Variants in TMEFF2 observed in about 807,000 individuals in gnomAD.
The protein encoded by TMEFF2 is tomoregulin-2.
Under a neutral mutation model 53.8 loss-of-function variants are expected in TMEFF2, and 28 were observed. The ratio of observed to expected loss-of-function variants is 0.52; its 90% CI spans 0.39 to 0.71. TMEFF2 has a LOEUF of 0.71. Ranked by LOEUF, TMEFF2 falls within the 30% of genes least tolerant of loss-of-function variation. The pLI, the probability that TMEFF2 is intolerant of heterozygous loss-of-function variation, is 0.00. For missense variants in TMEFF2, 353 were observed against 455.2 expected, an observed-to-expected ratio of 0.78 and a Z score of 2.04; for synonymous variants, 162 against 166.3, an observed-to-expected ratio of 0.97 and a Z score of 0.20.
chr2:192,087,018 GAT>G (rs1445597813), intron 4 of TMEFF2, among the ~76,000 whole-genome samples: 1 of 150,122 alleles, frequency 6.7e-6, no homozygotes, highest in Non-Finnish European at 1.5e-5. Flanking sequence ...GCCATAAAAA[GAT>G]ATTTGTATTT....
chr2:192,114,191 T>C (rs908687946), intron 4 of TMEFF2, among the ~76,000 whole-genome samples: 10 of 151,748 alleles, frequency 6.6e-5, no homozygotes, highest in Non-Finnish European at 1.3e-4. Flanking sequence ...ACTCAGATTG[T>C]AGAGAACAGG....
At chr2:192,114,648 G>A (rs928528408) in intron 4 of TMEFF2, among the ~76,000 whole-genome samples, 3 of 151,732 alleles carry the variant, frequency 2.0e-5, no homozygotes, top group Non-Finnish European at 4.4e-5. Context: ...ACACTCTAAT[G>A]ATGAATAAGT....
chr2:192,010,744 T>G (rs1277399808), intron 5 of TMEFF2, among the ~76,000 whole-genome samples: 5 of 152,184 alleles, frequency 3.3e-5, no homozygotes, highest in African/African-American at 9.7e-5. Flanking sequence ...TTGGGCTTGT[T>G]AGCATGAAAA....
At chr2:192,041,988 G>A (rs1687495272) in intron 5 of TMEFF2, among the ~76,000 whole-genome samples, 1 of 152,086 alleles carries the variant, frequency 6.6e-6, no homozygotes, top group Non-Finnish European at 1.5e-5. Context: ...ATCACCTGAG[G>A]TCAGGACTTC....
chr2:192,161,449 G>A (rs1484220679), intron 4 of TMEFF2, among the ~76,000 whole-genome samples: 2 of 152,112 alleles, frequency 1.3e-5, no homozygotes, highest in South Asian at 2.1e-4. Flanking sequence ...CACCTCACCG[G>A]CCTGAAACAG....
chr2:192,000,326 C>G (rs575155274), intron 5 of TMEFF2, among the ~76,000 whole-genome samples: 1 of 152,104 alleles, frequency 6.6e-6, no homozygotes, highest in Non-Finnish European at 1.5e-5. Flanking sequence ...ACATGCTAGA[C>G]TCTCAACATG....
At chr2:192,193,649 G>A (rs1477220013) in intron 1 of TMEFF2, among the ~76,000 whole-genome samples, 1 of 151,962 alleles carries the variant, frequency 6.6e-6, no homozygotes, top group Non-Finnish European at 1.5e-5. Flanking sequence ...CAACTCCCCT[G>A]TACTACCTTG....
At chr2:191,988,412 T>C (rs897661918) in intron 7 of TMEFF2, among the ~76,000 whole-genome samples, 3 of 152,186 alleles carry the variant, frequency 2.0e-5, no homozygotes, top group African/African-American at 7.2e-5. Flanking sequence ...CCTGGTGCTC[T>C]TTAAATAATA....
chr2:192,189,594 GC>G, intron 2 of TMEFF2, among the ~76,000 whole-genome samples: 1 of 145,446 alleles, frequency 6.9e-6, no homozygotes, highest in East Asian at 2.0e-4. Flanking sequence ...ACCTGAAAAG[GC>G]AGCAGAGAAA....
At chr2:192,093,433 T>C (rs1688836471) in intron 4 of TMEFF2, among the ~76,000 whole-genome samples, 1 of 152,158 alleles carries the variant, frequency 6.6e-6, no homozygotes, top group South Asian at 2.1e-4. Context: ...CCAGACTCTT[T>C]CTTGTTTCAA....
rs1425445599 is a variant in TMEFF2, at chr2:192,132,119, G to A, written c.439+47549C>T. Among the ~76,000 whole-genome samples, 6 of 151,802 alleles carry A rather than the reference G, an allele frequency of 4.0e-5. No individual in the cohort carries two copies. In the East Asian group the frequency reaches 5.8e-4, roughly 15 times the overall value. On this transcript the variant is annotated intron_variant, in intron 4 of 9. Coordinates refer to ENST00000272771, the MANE Select transcript of TMEFF2 (RefSeq NM_016192.4). ...ACCTCTCCCCTCCTCGCCAGGCCAA[G>A]CTAGGCCCCAATTCTTCCTCAGCCT...
intron 4 of TMEFF2, among the ~76,000 whole-genome samples, chr2:192,135,770 AGAAGT>A (rs890565291): frequency 4.6e-5 from 7 of 152,208 alleles, no homozygotes; most frequent in African/African-American, 1.4e-4. Context: ...GAATCACAAA[AGAAGT>A]GAAGAGGCCC....
At chr2:192,173,750 G>C (rs565362377) in intron 4 of TMEFF2, among the ~76,000 whole-genome samples, 1 of 151,808 alleles carries the variant, frequency 6.6e-6, no homozygotes, top group East Asian at 1.9e-4. Flanking sequence ...TCAGGAGTCA[G>C]AGCTAGCTGT....
intron 2 of TMEFF2, among the ~76,000 whole-genome samples, chr2:192,189,189 CATT>C (rs1044966513): frequency 2.0e-5 from 3 of 151,950 alleles, no homozygotes; most frequent in Admixed American, 2.0e-4. Flanking sequence ...AAATTGAAAA[CATT>C]ATAGGTATAA....
At chr2:192,182,151 T>C (rs756601962) in intron 3 of TMEFF2, among the ~76,000 whole-genome samples, 1 of 151,864 alleles carries the variant, frequency 6.6e-6, no homozygotes, top group Non-Finnish European at 1.5e-5. Flanking sequence ...CAATGAAATA[T>C]AATAAATATA....
chr2:192,158,974 T>C (rs1690571817), intron 4 of TMEFF2, among the ~76,000 whole-genome samples: 1 of 152,110 alleles, frequency 6.6e-6, no homozygotes, highest in African/African-American at 2.4e-5. Context: ...TTTTTCTGAA[T>C]GACTACAGAC....
At chr2:192,125,369 T>C (rs116492784) in intron 4 of TMEFF2, among the ~76,000 whole-genome samples, 1,849 of 152,238 alleles carry the variant, frequency 0.012, 37 homozygotes, top group African/African-American at 0.043. Flanking sequence ...CTAATAAAAA[T>C]ATACTATTTC....
chr2:191,988,094 A>T (rs1686021501), intron 7 of TMEFF2, among the ~76,000 whole-genome samples: 1 of 152,232 alleles, frequency 6.6e-6, no homozygotes, highest in Non-Finnish European at 1.5e-5. Flanking sequence ...CAATATTAGA[A>T]TATAGCACTG....
chr2:192,183,512 A>C (rs942717974), intron 3 of TMEFF2, among the ~76,000 whole-genome samples: 2 of 152,074 alleles, frequency 1.3e-5, no homozygotes, highest in Non-Finnish European at 2.9e-5. Context: ...GAATATGCTT[A>C]TATCATCCAA....
Sources: gnomAD v4.1 joint callset for allele counts (sites outside exome capture counted in the v4.1 genomes callset) on GRCh38, gnomAD v4.1.1 for gene constraint, MANE v1.5 for transcripts, NCBI Gene and HGNC (gene_info 2026-07-23, HGNC 2026-07-21) for gene names.